Variants in DCDC1 observed in about 807,000 individuals in gnomAD.
The protein encoded by DCDC1 is doublecortin domain containing 1.
In DCDC1, 200 loss-of-function variants were observed where a neutral mutation model predicts 178.3. The observed-to-expected ratio is 1.12, with a 90% CI of 1.00 to 1.26. The LOEUF (loss-of-function observed/expected upper bound fraction) is 1.26. DCDC1 is among the 50% of genes most tolerant of loss of function. DCDC1 has a pLI of 0.00. For synonymous variants in DCDC1, 690 were observed against 604.8 expected, an observed-to-expected ratio of 1.14 and a Z score of -2.07; for missense variants, 1,983 against 1,749.2, an observed-to-expected ratio of 1.13 and a Z score of -2.38.
intron 1 of DCDC1, among the ~76,000 whole-genome samples, chr11:31,361,598 C>T (rs1951712454): frequency 6.6e-6 from 1 of 152,132 alleles, no homozygotes; most frequent in Non-Finnish European, 1.5e-5. Flanking sequence ...TCTCCTGCCT[C>T]AGCCTCTGAG....
Position 31,327,795 on chromosome 11 carries a change from T to C in DCDC1, c.164+322A>G, listed in dbSNP as rs145298010. 3.2e-3 allele frequency among the ~76,000 whole-genome samples: 482 copies of C among 152,192 alleles called. 5 individuals carry two copies. Among genetic ancestry groups the C allele is most frequent in the African/African-American group, 0.011 (467 of 41,524 alleles). ...CAGGCTAGAGTCAAGTGGCATGATC[T>C]CAGCTCACTGCAACCTCCACCTCCT... is the stretch of plus-strand genomic sequence containing the variant. On this transcript the variant is annotated intron_variant, in intron 3 of 38. Coordinates refer to ENST00000684477, the MANE Select transcript of DCDC1 (RefSeq NM_001387274.1).
intron 20 of DCDC1, among the ~76,000 whole-genome samples, chr11:30,955,890 TGAA>T (rs1208865761): frequency 3.3e-5 from 5 of 152,270 alleles, no homozygotes; most frequent in African/African-American, 1.2e-4. Flanking sequence ...AGCCTATACT[TGAA>T]GAGTTGATCA....
At chr11:31,115,318 A>G (rs1374572375) in intron 11 of DCDC1, among the ~76,000 whole-genome samples, 2 of 152,134 alleles carry the variant, frequency 1.3e-5, no homozygotes, top group African/African-American at 2.4e-5. Flanking sequence ...CTAGCCTTTA[A>G]TGCTAGAGGT....
intron 20 of DCDC1, among the ~76,000 whole-genome samples, chr11:31,009,842 A>G (rs904510034): frequency 6.6e-6 from 1 of 152,120 alleles, no homozygotes; most frequent in African/African-American, 2.4e-5. Context: ...GGCCTCAGGA[A>G]ACTTACAGTC....
chr11:31,327,398 G>A (rs763685142), intron 3 of DCDC1, among the ~76,000 whole-genome samples: 3 of 151,950 alleles, frequency 2.0e-5, no homozygotes, highest in Non-Finnish European at 2.9e-5. Context: ...TCAAACTCCC[G>A]ACCTCAGGTG....
chr11:31,174,430 G>A (rs913648122), intron 9 of DCDC1, among the ~76,000 whole-genome samples: 3 of 152,204 alleles, frequency 2.0e-5, no homozygotes, highest in Non-Finnish European at 4.4e-5. Context: ...GAGGCCAAGG[G>A]GGGTGCTGAG....
At chr11:30,873,356 T>TAGAGAGAGAGAG (rs1392683202) in intron 38 of DCDC1, among the ~76,000 whole-genome samples, 4 of 138,700 alleles carry the variant, frequency 2.9e-5, no homozygotes, top group African/African-American at 1.2e-4. Flanking sequence ...TATATATATA[T>TAGAGAGAGAGAG]ATATATATAG....
At chr11:30,973,059 G>A (rs1949900235) in intron 20 of DCDC1, among the ~76,000 whole-genome samples, 1 of 151,928 alleles carries the variant, frequency 6.6e-6, no homozygotes, top group Middle Eastern at 3.4e-3. Context: ...ATAACCTGAG[G>A]TCAGGAGTTC....
chr11:31,328,165 C>T lies in DCDC1; in HGVS notation c.116G>A (p.Gly39Glu). 6.2e-6 allele frequency: 10 copies of T among 1,612,056 alleles called. No individual in the cohort carries two copies. Among genetic ancestry groups the T allele is most frequent in the Non-Finnish European group, 8.5e-6 (10 of 1,178,748 alleles). The change falls in exon 3 of 39, where the codon GGG (glycine) becomes GAG (glutamate). Residue 39 changes from glycine to glutamate, a missense_variant. Physicochemically the swap from Gly to Glu is moderately conservative, Grantham distance 98. Transcript: ENST00000684477. ...QQSSPEGTLD[G>E]NTVNPIYKYI... ...TTTGTAAATTGGGTTTACAGTATTCCCATCCAAAGTGCCTTCAGGGCTACT... is the reference window on the plus strand; with the variant it reads ...TTTGTAAATTGGGTTTACAGTATTCTCATCCAAAGTGCCTTCAGGGCTACT...
intron 38 of DCDC1, among the ~76,000 whole-genome samples, chr11:30,867,367 C>T (rs990974356): frequency 3.9e-5 from 6 of 152,272 alleles, no homozygotes; most frequent in South Asian, 2.1e-4. Context: ...CCAGCTTTCC[C>T]GTCTGTAAAA....
At chr11:31,005,905 C>T (rs772150885) in intron 20 of DCDC1, among the ~76,000 whole-genome samples, 16 of 148,748 alleles carry the variant, frequency 1.1e-4, no homozygotes, top group Non-Finnish European at 1.5e-4. Flanking sequence ...CCAATATCTC[C>T]GACCCTTTCC....
intron 20 of DCDC1, among the ~76,000 whole-genome samples, chr11:31,023,880 A>T (rs1272336793): frequency 6.6e-6 from 1 of 152,084 alleles, no homozygotes; most frequent in East Asian, 1.9e-4. Flanking sequence ...TAACTAAAAG[A>T]GCTAAACTTA....
chr11:31,314,270 G>T (rs1948934147), intron 3 of DCDC1, among the ~76,000 whole-genome samples: 2 of 151,984 alleles, frequency 1.3e-5, no homozygotes, highest in East Asian at 3.8e-4. Context: ...CCACTAAAAT[G>T]GATTAATACA....
intron 20 of DCDC1, among the ~76,000 whole-genome samples, chr11:31,033,196 C>G (rs1319575381): frequency 6.6e-6 from 1 of 152,132 alleles, no homozygotes; most frequent in African/African-American, 2.4e-5. Context: ...CCAAAAAAGT[C>G]TGTTTCAAGT....
At chr11:31,154,325 T>A (rs1448089080) in intron 9 of DCDC1, among the ~76,000 whole-genome samples, 16 of 152,162 alleles carry the variant, frequency 1.1e-4, no homozygotes, top group Admixed American at 1.0e-3. Flanking sequence ...CTCCCTCAAC[T>A]AACACTCACA....
chr11:30,915,589 C>A lies in DCDC1; in HGVS notation c.3575G>T (p.Arg1192Leu), dbSNP rs758336719. ...CACCAAAACCACCTCCATGCCTGAT[C>A]GGAGATTGGGACCTTGAACCCCCAA... ...LVLGVQGPNL[R>L]SGMEVVLVEK... The change falls in exon 27 of 39, where the codon CGA becomes CTA. Residue 1192 changes from arginine to leucine, a missense_variant. Arg to Leu is a moderately radical substitution (Grantham distance 102, BLOSUM62 -2). Transcript: ENST00000684477. 1.9e-6 allele frequency: 3 copies of A among 1,613,836 alleles called. No homozygotes were observed. Among genetic ancestry groups the A allele is most frequent in the African/African-American group, 2.7e-5 (2 of 74,912 alleles).
chr11:31,105,422 T>C (rs1044381953), intron 13 of DCDC1, among the ~76,000 whole-genome samples: 2 of 151,848 alleles, frequency 1.3e-5, no homozygotes, highest in Non-Finnish European at 1.5e-5. Context: ...TAGTGAGTCA[T>C]TACTTTCACT....
intron 17 of DCDC1, among the ~76,000 whole-genome samples, chr11:31,089,188 T>C (rs1957651734): frequency 1.3e-5 from 2 of 152,182 alleles, no homozygotes; most frequent in Non-Finnish European, 2.9e-5. Context: ...AAAGACATTT[T>C]CACTGGGGAA....
intron 20 of DCDC1, among the ~76,000 whole-genome samples, chr11:31,014,203 CTT>C (rs1491245425): frequency 3.3e-5 from 5 of 150,180 alleles, no homozygotes; most frequent in African/African-American, 1.3e-4. Context: ...CTCACTCTCT[CTT>C]TCTCTCTCTC....
Sources: gnomAD v4.1 joint callset for allele counts (sites outside exome capture counted in the v4.1 genomes callset) on GRCh38, gnomAD v4.1.1 for gene constraint, MANE v1.5 for transcripts, NCBI Gene and HGNC (gene_info 2026-07-23, HGNC 2026-07-21) for gene names.